Variants in CSMD2 observed in about 807,000 individuals in gnomAD.
The protein encoded by CSMD2 is CUB and sushi domain-containing protein 2.
CSMD2 carries 130 observed loss-of-function variants against 398.5 expected under a neutral mutation model. The observed-to-expected ratio is 0.33, with a 90% CI of 0.28 to 0.38. CSMD2 has a LOEUF of 0.38. Among genes scored for constraint, CSMD2 ranks in the 10% least tolerant of loss-of-function variants. CSMD2 has a pLI of 1.00. For missense variants in CSMD2, 3,829 were observed against 4,764.9 expected (o/e 0.80, Z 5.78); for synonymous variants, 1,828 against 1,908.5 (o/e 0.96, Z 1.10).
At chr1:33,680,662 T>TCCTGTAA (rs1644877984) in intron 25 of CSMD2, among the ~76,000 whole-genome samples, 1 of 152,102 alleles carries the variant, frequency 6.6e-6, no homozygotes, top group Non-Finnish European at 1.5e-5. Flanking sequence ...CTTGATCTGC[T>TCCTGTAA]CCAGAGGCTG....
intron 44 of CSMD2, among the ~76,000 whole-genome samples, chr1:33,596,703 G>A (rs1639861774): frequency 6.6e-6 from 1 of 152,142 alleles, no homozygotes; most frequent in Non-Finnish European, 1.5e-5. Flanking sequence ...ACTATCATGA[G>A]AACAGGATGG....
chr1:34,143,690 G>A (rs1350607263), intron 1 of CSMD2, among the ~76,000 whole-genome samples: 1 of 152,050 alleles, frequency 6.6e-6, no homozygotes, highest in Non-Finnish European at 1.5e-5. Flanking sequence ...ACACAGATGG[G>A]AGAAAAAAAG....
At chr1:33,520,875 C>T (rs542177070) in intron 68 of CSMD2, among the ~76,000 whole-genome samples, 1 of 152,206 alleles carries the variant, frequency 6.6e-6, no homozygotes, top group Non-Finnish European at 1.5e-5. Context: ...CCCCTCCCCC[C>T]ACCAGAGTCT....
At chr1:33,640,751 A>C (rs1643058392) in intron 29 of CSMD2, among the ~76,000 whole-genome samples, 1 of 152,222 alleles carries the variant, frequency 6.6e-6, no homozygotes, top group Non-Finnish European at 1.5e-5. Context: ...TTATATGCTT[A>C]TATATTGTTT....
chr1:34,057,397 G>A (rs1472335366), intron 2 of CSMD2, among the ~76,000 whole-genome samples: 6 of 152,098 alleles, frequency 3.9e-5, no homozygotes, highest in East Asian at 1.9e-4. Context: ...TGAGCCTCTC[G>A]CTGTTTCTAT....
intron 42 of CSMD2, among the ~76,000 whole-genome samples, chr1:33,603,337 T>C (rs554680762): frequency 3.3e-5 from 5 of 152,296 alleles, no homozygotes; most frequent in African/African-American, 1.2e-4. Flanking sequence ...CTTCATGGTA[T>C]TCAGAATCAG....
intron 5 of CSMD2, among the ~76,000 whole-genome samples, chr1:33,849,073 C>A (rs1395449440): frequency 6.6e-6 from 1 of 152,216 alleles, no homozygotes; most frequent in Non-Finnish European, 1.5e-5. Flanking sequence ...TCTCCCACCT[C>A]CCATTTCTCC....
chr1:33,874,507 T>C (rs1366789945), intron 5 of CSMD2, among the ~76,000 whole-genome samples: 1 of 152,182 alleles, frequency 6.6e-6, no homozygotes, highest in Non-Finnish European at 1.5e-5. Flanking sequence ...CCAGAGTATT[T>C]GTATTTTGTG....
intron 28 of CSMD2, among the ~76,000 whole-genome samples, chr1:33,650,625 T>C (rs1557676514): frequency 6.6e-6 from 1 of 152,182 alleles, no homozygotes; most frequent in Admixed American, 6.5e-5. Context: ...ACTCCAAAGT[T>C]TGGGCCTTTA....
Position 33,615,023 on chromosome 1 carries a change from G to T in CSMD2, c.6017-403C>A, listed in dbSNP as rs1641294717. ...TACTCTTTCAAGACTGCAGAAAAAG[G>T]ATGAAGGAAGGGGACTGGCATGCAT... is the stretch of plus-strand genomic sequence containing the variant. On this transcript the variant is annotated intron_variant, in intron 39 of 70. Transcript: ENST00000373381. Among the ~76,000 whole-genome samples, 4 of 152,312 alleles carry T rather than the reference G, an allele frequency of 2.6e-5. No individual in the cohort carries two copies. In the South Asian group the frequency reaches 8.3e-4, roughly 32 times the overall value.
rs762995881 is a variant in CSMD2, at chr1:33,586,512, A to T, written c.7043T>A (p.Ile2348Lys). ...TYLQFEGPPP[I>K]CEVHCPTNEL... ...CGGCTCCATGCAATTACCTTCACAT[A>T]TCGGGGGTGGTCCTTCAAACTGCAG... The change falls in exon 46 of 71, where the codon ATA (isoleucine) becomes AAA (lysine). Residue 2348 changes from isoleucine (I) to lysine (K), a missense_variant. This residue lies in a region of CSMD2 where 723 missense variants were observed against 758.6 expected (regional missense o/e 0.95). Transcript: ENST00000373381. 1.2e-6 allele frequency: 2 copies of T among 1,610,204 alleles called. No individual in the cohort carries two copies. Among genetic ancestry groups the T allele is most frequent in the African/African-American group, 2.7e-5 (2 of 74,944 alleles).
intron 10 of CSMD2, among the ~76,000 whole-genome samples, chr1:33,800,122 T>C (rs1655418315): frequency 6.6e-6 from 1 of 152,218 alleles, no homozygotes; most frequent in African/African-American, 2.4e-5. Context: ...TTTGAGCCCC[T>C]GAGGGCTGAC....
At chr1:33,974,496 T>C (rs1399193024) in intron 3 of CSMD2, among the ~76,000 whole-genome samples, 1 of 152,218 alleles carries the variant, frequency 6.6e-6, no homozygotes, top group African/African-American at 2.4e-5. Flanking sequence ...GTGCTTTATA[T>C]ATTGCAAAAG....
intron 13 of CSMD2, among the ~76,000 whole-genome samples, chr1:33,764,633 A>G (rs1306638506): frequency 6.6e-6 from 1 of 152,214 alleles, no homozygotes; most frequent in Non-Finnish European, 1.5e-5. Context: ...ATGTTACATT[A>G]AGCAGAGGAA....
intron 3 of CSMD2, among the ~76,000 whole-genome samples, chr1:34,008,654 C>CTA (rs1422553285): frequency 6.6e-6 from 1 of 152,140 alleles, no homozygotes; most frequent in Admixed American, 6.5e-5. Flanking sequence ...AGATGGGCAG[C>CTA]TTCTAATAAA....
chr1:33,991,751 C>T (rs1646560607), intron 3 of CSMD2, among the ~76,000 whole-genome samples: 1 of 152,030 alleles, frequency 6.6e-6, no homozygotes, highest in Admixed American at 6.6e-5. Flanking sequence ...CTGTCTCTGA[C>T]TCAATAAAAT....
intron 3 of CSMD2, among the ~76,000 whole-genome samples, chr1:33,952,340 G>A (rs1645032314): frequency 6.6e-6 from 1 of 152,222 alleles, no homozygotes; most frequent in African/African-American, 2.4e-5. Context: ...TAACAGTAGT[G>A]ATGGTGGATA....
At chr1:34,148,060 A>G (rs1439642887) in intron 1 of CSMD2, among the ~76,000 whole-genome samples, 1 of 152,174 alleles carries the variant, frequency 6.6e-6, no homozygotes, top group African/African-American at 2.4e-5. Flanking sequence ...GAGGCACAGC[A>G]TTGGGTAAGA....
At chr1:33,830,093 C>G (rs1347411090) in intron 6 of CSMD2, among the ~76,000 whole-genome samples, 2 of 152,202 alleles carry the variant, frequency 1.3e-5, no homozygotes, top group African/African-American at 4.8e-5. Flanking sequence ...CACAGACAAA[C>G]AAAAAGACAG....
Sources: gnomAD v4.1 joint callset for allele counts (sites outside exome capture counted in the v4.1 genomes callset) on GRCh38, gnomAD v4.1.1 for gene constraint, gnomAD v4.1.1 regional missense constraint, MANE v1.5 for transcripts, NCBI Gene and HGNC (gene_info 2026-07-23, HGNC 2026-07-21) for gene names.